ZNF385B: variants seen among roughly 807,000 people sequenced by gnomAD.
ZNF385B encodes the protein zinc finger protein 385B.
Under a neutral mutation model 39.2 loss-of-function variants are expected in ZNF385B, and 23 were observed. The observed-to-expected ratio is 0.59, with a 90% CI of 0.42 to 0.83. The LOEUF is 0.83. Among genes scored for constraint, ZNF385B ranks in the 40% least tolerant of loss-of-function variants. The pLI, the probability that ZNF385B is intolerant of heterozygous loss-of-function variation, is 0.00. For missense variants in ZNF385B, 552 were observed against 598.9 expected, an observed-to-expected ratio of 0.92 and a Z score of 0.82; for synonymous variants, 205 against 222.6, an observed-to-expected ratio of 0.92 and a Z score of 0.70.
At chr2:179,486,739 A>G (rs961296314) in intron 5 of ZNF385B, among the ~76,000 whole-genome samples, 2 of 152,070 alleles carry the variant, frequency 1.3e-5, no homozygotes, top group African/African-American at 4.8e-5. Context: ...ACATTACGAG[A>G]CCTTGTTTCT....
chr2:179,829,709 T>G (rs1707875470), intron 1 of ZNF385B, among the ~76,000 whole-genome samples: 1 of 152,102 alleles, frequency 6.6e-6, no homozygotes, highest in Non-Finnish European at 1.5e-5. Context: ...GAGACGGGGT[T>G]TCACCGTGTT....
chr2:179,619,818 A>T (rs1690060125), intron 3 of ZNF385B, among the ~76,000 whole-genome samples: 2 of 152,218 alleles, frequency 1.3e-5, no homozygotes, highest in African/African-American at 4.8e-5. Flanking sequence ...TAGAAAATAA[A>T]TAAAAGTCAC....
At chr2:179,790,030 T>C (rs896146141) in intron 1 of ZNF385B, among the ~76,000 whole-genome samples, 6 of 152,156 alleles carry the variant, frequency 3.9e-5, no homozygotes, top group Non-Finnish European at 8.8e-5. Flanking sequence ...AATATTGTAG[T>C]ATTATGTTCC....
chr2:179,794,845 A>G (rs1439281464), intron 1 of ZNF385B, among the ~76,000 whole-genome samples: 3 of 152,134 alleles, frequency 2.0e-5, no homozygotes, highest in African/African-American at 7.2e-5. Flanking sequence ...TAAAGAGAAG[A>G]AATTGGTCCT....
At chr2:179,751,984 G>C (rs357699) in intron 3 of ZNF385B, among the ~76,000 whole-genome samples, 1 of 151,892 alleles carries the variant, frequency 6.6e-6, no homozygotes, top group Non-Finnish European at 1.5e-5. Flanking sequence ...TGTGCACAAC[G>C]TGCAGGTTTC....
intron 3 of ZNF385B, among the ~76,000 whole-genome samples, chr2:179,756,923 T>C: frequency 6.6e-6 from 1 of 152,206 alleles, no homozygotes; most frequent in Non-Finnish European, 1.5e-5. Context: ...CTCCTTTAGC[T>C]CCGAGAAGTT....
intron 6 of ZNF385B, among the ~76,000 whole-genome samples, chr2:179,468,017 T>C (rs1220999101): frequency 6.6e-6 from 1 of 152,182 alleles, no homozygotes; most frequent in Non-Finnish European, 1.5e-5. Flanking sequence ...CATTGGTTCA[T>C]GGCCTGCAGA....
chr2:179,801,043 C>A (rs770311012), intron 1 of ZNF385B, among the ~76,000 whole-genome samples: 1 of 152,078 alleles, frequency 6.6e-6, no homozygotes, highest in Non-Finnish European at 1.5e-5. Flanking sequence ...ACAAAGCCTA[C>A]ACCTTCCATT....
At chr2:179,584,819 C>T (rs1686916620) in intron 3 of ZNF385B, among the ~76,000 whole-genome samples, 1 of 152,066 alleles carries the variant, frequency 6.6e-6, no homozygotes, top group Non-Finnish European at 1.5e-5. Flanking sequence ...TGAACACCAC[C>T]TATATATAGA....
chr2:179,507,946 G>T lies in ZNF385B; in HGVS notation c.552+10582C>A, dbSNP rs573637879. Among the ~76,000 whole-genome samples the T allele has an allele frequency of 2.2e-4, 34 of 152,292 alleles. No homozygotes were observed. In the South Asian group the frequency reaches 6.8e-3, roughly 31 times the overall value. On this transcript the variant is annotated intron_variant, in intron 5 of 9. Coordinates refer to ENST00000410066, the MANE Select transcript of ZNF385B (RefSeq NM_152520.6). ...TTTATGCTGACCCACCACAACTAAA[G>T]TTCATGGCTTCCAGGGCAAAATGCT...
intron 5 of ZNF385B, among the ~76,000 whole-genome samples, chr2:179,492,531 G>C (rs548324354): frequency 1.3e-5 from 2 of 152,076 alleles, no homozygotes; most frequent in Non-Finnish European, 2.9e-5. Flanking sequence ...TTTACATTGT[G>C]TCTCCTTTTG....
At chr2:179,759,877 T>A (rs534075096) in intron 3 of ZNF385B, among the ~76,000 whole-genome samples, 1 of 152,294 alleles carries the variant, frequency 6.6e-6, no homozygotes, top group African/African-American at 2.4e-5. Context: ...CCCCAAGGGT[T>A]CTGTTTCCTA....
At chr2:179,515,633 A>G (rs2058038790) in intron 5 of ZNF385B, among the ~76,000 whole-genome samples, 1 of 152,180 alleles carries the variant, frequency 6.6e-6, no homozygotes, top group Non-Finnish European at 1.5e-5. Flanking sequence ...TATTCTTACA[A>G]AAGTCTTATC....
At chr2:179,852,731 G>T (rs189508037) in intron 1 of ZNF385B, among the ~76,000 whole-genome samples, 2 of 152,268 alleles carry the variant, frequency 1.3e-5, no homozygotes, top group Middle Eastern at 3.4e-3. Context: ...CTCCAAGTGT[G>T]GTCTGTCGAT....
chr2:179,454,090 G>A (rs776579255), intron 6 of ZNF385B, among the ~76,000 whole-genome samples: 5 of 152,142 alleles, frequency 3.3e-5, no homozygotes, highest in Non-Finnish European at 7.4e-5. Flanking sequence ...GTGTTCAATT[G>A]GATAAGAGCC....
intron 1 of ZNF385B, among the ~76,000 whole-genome samples, chr2:179,772,828 G>T (rs1455348807): frequency 6.6e-6 from 1 of 152,228 alleles, no homozygotes; most frequent in Non-Finnish European, 1.5e-5. Flanking sequence ...GCAGTGGGCA[G>T]CACTGTGCTT....
rs1346808450 is a variant in ZNF385B at position 179,792,370 on chromosome 2, C to CTTTTTTTTTTTTTTTTTTTTT, written c.-154-21699_-154-21698insAAAAAAAAAAAAAAAAAAAAA. Among the ~76,000 whole-genome samples, 11 of 70,716 alleles carry CTTTTTTTTTTTTTTTTTTTTT rather than the reference C, an allele frequency of 1.6e-4. 2 individuals are homozygous for CTTTTTTTTTTTTTTTTTTTTT. Among genetic ancestry groups the CTTTTTTTTTTTTTTTTTTTTT allele is most frequent in the Non-Finnish European group, 2.2e-4 (8 of 36,756 alleles). 46.4% of individuals were successfully genotyped at this position (70,716 alleles called of 152,430 possible). On this transcript the variant is annotated intron_variant, in intron 1 of 9. Coordinates refer to ENST00000410066, the MANE Select transcript of ZNF385B (RefSeq NM_152520.6). ...CTGAAGAAGTAGGCCATTTCATTTT[C>CTTTTTTTTTTTTTTTTTTTTT]TTTTCTTTTTTTTTTTTTTTTGAGA...
At chr2:179,513,954 C>T (rs563349743) in intron 5 of ZNF385B, 1 of 152,294 alleles carries the variant, frequency 6.6e-6, no homozygotes, top group South Asian at 2.1e-4. Context: ...AGATGAGAAC[C>T]AATTTAAGTG....
At chr2:179,764,452 T>C (rs965721292) in intron 3 of ZNF385B, among the ~76,000 whole-genome samples, 2 of 152,278 alleles carry the variant, frequency 1.3e-5, no homozygotes, top group South Asian at 2.1e-4. Flanking sequence ...TAATTATTGA[T>C]GTTAGCCTTT....
Sources: gnomAD v4.1 joint callset for allele counts (sites outside exome capture counted in the v4.1 genomes callset) on GRCh38, gnomAD v4.1.1 for gene constraint, MANE v1.5 for transcripts, NCBI Gene and HGNC (gene_info 2026-07-23, HGNC 2026-07-21) for gene names.